The following S100A13 variants were observed in gnomAD, a reference collection of about 807,000 sequenced individuals.
S100A13 encodes the protein protein S100-A13.
S100A13 carries 6 observed loss-of-function variants against 8.2 expected under a neutral mutation model. The ratio of observed to expected loss-of-function variants is 0.73; its 90% CI spans 0.40 to 1.44. The LOEUF is 1.44. S100A13 is among the 40% of genes most tolerant of loss of function. S100A13 has a pLI of 0.02. For missense variants in S100A13, 114 were observed against 113.6 expected (o/e 1.00, Z -0.02); for synonymous variants, 39 against 45.9 (o/e 0.85, Z 0.61).
intron 1 of S100A13, 118 bp downstream of exon 1, chr1:153,627,364 TC>T (rs1176631515): frequency 1.3e-5 from 2 of 152,284 alleles, no homozygotes; most frequent in Non-Finnish European, 2.9e-5. Flanking sequence ...GCGCTGTTGC[TC>T]GATCATCCAA....
rs181057934 is a variant in S100A13, at chr1:153,623,369, G to A, written c.153+2951C>T. On this transcript the variant is annotated intron_variant, in intron 2 of 2. Transcript: ENST00000476133. ...GGGAGCACATACAAGTTTCCTGATT[G>A]CTCCTATTTTCGTTTCCTTTTTTTT... Among the ~76,000 whole-genome samples the A allele has an allele frequency of 1.1e-4, 16 of 151,650 alleles. No individual in the cohort carries two copies. In the South Asian group the frequency reaches 1.5e-3, roughly 14 times the overall value.
At chr1:153,628,331 G>A, upstream of S100A13, 5 of 1,525,992 alleles carry the variant, frequency 3.3e-6, no homozygotes, top group Non-Finnish European at 4.4e-6. Context: ...GTCTGCTCCT[G>A]GCCCCTTGCC....
In S100A13 at chr1:153,626,427, C is replaced by T. The variant is rs199790715; in HGVS notation, c.46G>A (p.Val16Met). 3.5e-5 allele frequency: 57 copies of T among 1,614,176 alleles called. No individual in the cohort carries two copies. In the Admixed American group the frequency reaches 6.3e-4, roughly 18 times the overall value. ...LTELEESIET[V>M]VTTFFTFARQ... ...GCAAAGGTGAAGAAGGTGGTGACCA[C>T]GGTCTCAATGGACTCCTCTAGCTCT... Residue 16 changes from valine to methionine, a missense_variant, in exon 2 of 3, where the codon GTG (valine) becomes ATG (methionine). Val to Met is a conservative substitution (Grantham distance 21). Coordinates refer to ENST00000476133, the MANE Select transcript of S100A13 (RefSeq NM_001024211.2).
chr1:153,626,323 G>C lies in S100A13; in HGVS notation c.150C>G (p.Leu50=), dbSNP rs781660855. 6.2e-7 allele frequency: 1 copy of C among 1,613,772 alleles called. No homozygotes were observed. Among genetic ancestry groups the C allele is most frequent in the South Asian group, 1.1e-5 (1 of 91,056 alleles). The change falls in exon 2 of 3, where the codon CTC becomes CTG. Residue 50 remains leucine, a synonymous_variant. Transcript: ENST00000476133. ...ELVTQQLPHL[L]KDVGSLDEKM... ...TCAGTCCCAGACTTCTGCCTACCTTGAGCAGATGGGGCAACTGCTGGGTAA... is the reference window on the plus strand; with the variant it reads ...TCAGTCCCAGACTTCTGCCTACCTTCAGCAGATGGGGCAACTGCTGGGTAA...
chr1:153,619,206 G>A (rs770029793), intron 2 of S100A13, among the ~76,000 whole-genome samples, 168 bp from the exon 3 acceptor site: 3 of 152,170 alleles, frequency 2.0e-5, no homozygotes, highest in South Asian at 2.1e-4. Context: ...GCACCGCCAC[G>A]GGGTGCCTCT....
chr1:153,628,764 C>G (rs552159719), upstream of S100A13: 2 of 506,732 alleles, frequency 3.9e-6, no homozygotes, highest in African/African-American at 1.9e-5. Flanking sequence ...GCTTCCTGAC[C>G]GCCTGGCCCT....
chr1:153,621,964 A>G (rs1354153338), intron 2 of S100A13, among the ~76,000 whole-genome samples: 2 of 152,260 alleles, frequency 1.3e-5, no homozygotes, highest in African/African-American at 2.4e-5. Context: ...ATTAGCAAAA[A>G]GTAAAAGCTC....
At chr1:153,620,100 A>G (rs182686501) in intron 2 of S100A13, among the ~76,000 whole-genome samples, 4,007 of 152,210 alleles carry the variant, frequency 0.026, 158 homozygotes, top group African/African-American at 0.092. Context: ...CAGCCTGGCC[A>G]ACATGGTGAA....
chr1:153,618,972 T>G lies in S100A13; in HGVS notation c.220A>C (p.Asn74His), dbSNP rs143474721. Reference sequence around the variant, plus strand: ...TCCCCAATCAATCTCCAGTACTCATTGAACTTGAGCTCCGAGTCCTGATTC... The same window carrying G: ...TCCCCAATCAATCTCCAGTACTCATGGAACTTGAGCTCCGAGTCCTGATTC... The part of the protein sequence containing the change: ...DVNQDSELKF[N>H]EYWRLIGELA... The change falls in exon 3 of 3, where the codon AAT becomes CAT. Residue 74 changes from asparagine (N) to histidine (H), a missense_variant. By Grantham distance (68) the Asn-to-His change is moderately conservative. Transcript: ENST00000476133. 728 of 1,613,662 alleles carry G rather than the reference T, an allele frequency of 4.5e-4. 1 individual carries two copies. The highest frequency in any genetic ancestry group is 5.2e-4 in the Non-Finnish European group (610 of 1,179,598).
intron 2 of S100A13, among the ~76,000 whole-genome samples, chr1:153,623,345 G>GGAGC (rs1196653087): frequency 6.6e-6 from 1 of 151,934 alleles, no homozygotes; most frequent in East Asian, 1.9e-4. Context: ...TTTCGGGGAG[G>GGAGC]GAGCACATAC....
upstream of S100A13, chr1:153,628,146 C>G: frequency 6.4e-7 from 1 of 1,550,592 alleles, no homozygotes; most frequent in Non-Finnish European, 8.7e-7. Context: ...CAGCCAGCCA[C>G]AGGTACTGCA....
chr1:153,631,643 A>C (rs1668014707), upstream of S100A13: 1 of 1,613,204 alleles, frequency 6.2e-7, no homozygotes, highest in African/African-American at 1.3e-5. Context: ...CTTGCCTCTG[A>C]CTCAGTGCTG....
At chr1:153,630,886 T>C, upstream of S100A13, 2 of 549,760 alleles carry the variant, frequency 3.6e-6, no homozygotes, top group Non-Finnish European at 6.4e-6. Context: ...CCTGTGTAGA[T>C]TCATCAATAA....
chr1:153,623,386 CT>C (rs75613554), intron 2 of S100A13, among the ~76,000 whole-genome samples: 231 of 141,174 alleles, frequency 1.6e-3, no homozygotes, highest in Middle Eastern at 3.7e-3. Flanking sequence ...TTTTCGTTTC[CT>C]TTTTTTTTTT....
At chr1:153,620,358 G>A (rs1305681888) in intron 2 of S100A13, among the ~76,000 whole-genome samples, 1 of 151,828 alleles carries the variant, frequency 6.6e-6, no homozygotes, top group Non-Finnish European at 1.5e-5. Context: ...CTACTTGGGA[G>A]GCTGAATCAG....
intron 2 of S100A13, among the ~76,000 whole-genome samples, chr1:153,620,589 C>A (rs993127467): frequency 3.9e-5 from 6 of 151,984 alleles, no homozygotes; most frequent in African/African-American, 1.2e-4. Flanking sequence ...AGAAAAAAAT[C>A]CACAAAGTTC....
chr1:153,626,281 C>T (rs1667614877), intron 2 of S100A13, 39 bp downstream of exon 2: 1 of 1,596,884 alleles, frequency 6.3e-7, no homozygotes. Flanking sequence ...GTCCCATAAT[C>T]ATCATCTCAC....
chr1:153,625,862 A>C (rs1667581319), intron 2 of S100A13, among the ~76,000 whole-genome samples: 1 of 152,222 alleles, frequency 6.6e-6, no homozygotes, highest in African/African-American at 2.4e-5. Flanking sequence ...ACATGTACAC[A>C]CCAGGCAAGA....
intron 2 of S100A13, among the ~76,000 whole-genome samples, chr1:153,624,687 C>G (rs1557925066): frequency 6.6e-6 from 1 of 152,062 alleles, no homozygotes; most frequent in African/African-American, 2.4e-5. Context: ...GACTGTAATC[C>G]CAACACTTTG....
Sources: gnomAD v4.1 joint callset for allele counts (sites outside exome capture counted in the v4.1 genomes callset) on GRCh38, gnomAD v4.1.1 for gene constraint, MANE v1.5 for transcripts, NCBI Gene and HGNC (gene_info 2026-07-23, HGNC 2026-07-21) for gene names.